SBNO2: variants seen among roughly 807,000 people sequenced by gnomAD.
SBNO2 encodes strawberry notch homolog 2, also known as protein strawberry notch homolog 2.
Under a neutral mutation model 146.3 loss-of-function variants are expected in SBNO2, and 89 were observed. The ratio of observed to expected loss-of-function variants is 0.61; its 90% CI spans 0.51 to 0.73. SBNO2 has a LOEUF of 0.73. SBNO2 is among the 30% of genes least tolerant of loss of function. SBNO2 has a pLI of 0.00. For missense variants in SBNO2, 2,092 were observed against 2,003.7 expected (o/e 1.04, Z -0.84); for synonymous variants, 1,147 against 892.6 (o/e 1.29, Z -5.08).
Position 1,154,322 on chromosome 19 carries a change from G to A in SBNO2, c.-46C>T. On this transcript the variant is annotated 5_prime_UTR_variant, in exon 2 of 32. Coordinates refer to ENST00000361757, the MANE Select transcript of SBNO2 (RefSeq NM_014963.3). ...GTCCTCGGCCGGGCAGCAGGCGGCG[G>A]GACTCCAGGACCCGGGGCCGCCGGG... is the stretch of plus-strand genomic sequence containing the variant. The A allele has an allele frequency of 1.8e-6, 2 of 1,116,164 alleles. No homozygotes were observed. Among genetic ancestry groups the A allele is most frequent in the Non-Finnish European group, 1.1e-6 (1 of 878,968 alleles). The allele number at this position is 1,116,164 out of a possible 1,614,324, so 69.1% of individuals were successfully genotyped here.
rs1414900197 is a variant in SBNO2, at chr19:1,144,143, G to A, written c.279+3166C>T. The stretch of plus-strand genomic sequence containing the variant: ...GCCTGGGCTGACTCATACCCGTCCC[G>A]TCCCACACTTGGCACCGCGGGACCA... On this transcript the variant is annotated intron_variant, in intron 4 of 31. Transcript: ENST00000361757. The surrounding 1 kb of genome is among the most constrained non-coding windows in gnomAD (Gnocchi z 4.1). Among the ~76,000 whole-genome samples, 5 of 150,042 alleles carry A rather than the reference G, an allele frequency of 3.3e-5. No individual in the cohort carries two copies. Among genetic ancestry groups the A allele is most frequent in the East Asian group, 2.0e-4 (1 of 5,084 alleles).
chr19:1,129,238 G>C (rs552743760), intron 4 of SBNO2, among the ~76,000 whole-genome samples: 78 of 152,278 alleles, frequency 5.1e-4, no homozygotes, highest in African/African-American at 1.6e-3. Context: ...TTGCACTCCA[G>C]TCTGGGTGAC....
chr19:1,112,244 T>G lies in SBNO2; in HGVS notation c.2573A>C (p.Glu858Ala). The part of the protein sequence containing the change: ...SAPEYVFLIS[E>A]LAGERRFASI... ...GGCGAACCGGCGCTCCCCGGCCAGC[T>G]CCGAGATGAGGAAGACATACTCTGG... Residue 858 changes from glutamate to alanine, a missense_variant, in exon 22 of 32, where the codon GAG (glutamate) becomes GCG (alanine). By Grantham distance (107) the Glu-to-Ala change is moderately radical. Transcript: ENST00000361757. The surrounding 1 kb of genome is among the most constrained non-coding windows in gnomAD (Gnocchi z 5.9). 2 of 1,592,592 alleles carry G rather than the reference T, an allele frequency of 1.3e-6. No homozygotes were observed. The highest frequency in any genetic ancestry group is 1.7e-6 in the Non-Finnish European group (2 of 1,170,126).
rs774444163 is a variant in SBNO2 at position 1,112,112 on chromosome 19, C to T, written c.2629-45G>A. ...CATCAGTTGGTCACCTGGGGTCTGGCCTCTAGCACCCCACAAAGCTTTGGA... is the reference window on the plus strand; with the variant it reads ...CATCAGTTGGTCACCTGGGGTCTGGTCTCTAGCACCCCACAAAGCTTTGGA... On this transcript the variant is annotated intron_variant, in intron 22 of 31. Coordinates refer to ENST00000361757, the MANE Select transcript of SBNO2 (RefSeq NM_014963.3). The surrounding 1 kb of genome is among the most constrained non-coding windows in gnomAD (Gnocchi z 5.9). 4 of 1,608,014 alleles carry T rather than the reference C, an allele frequency of 2.5e-6. No homozygotes were observed. In the East Asian group the frequency reaches 8.9e-5, roughly 36 times the overall value.
At chr19:1,165,677 T>A (rs142084719) in intron 1 of SBNO2, among the ~76,000 whole-genome samples, 42 of 24,888 alleles carry the variant, frequency 1.7e-3, no homozygotes, top group South Asian at 4.3e-3. Context: ...CAGACCCCAG[T>A]ACCCAGACCC....
In SBNO2 at chr19:1,126,552, G is replaced by A. The variant is rs568781776; in HGVS notation, c.441+1052C>T. Among the ~76,000 whole-genome samples, 7 of 151,792 alleles carry A rather than the reference G, an allele frequency of 4.6e-5. No homozygotes were observed. Among genetic ancestry groups the A allele is most frequent in the African/African-American group, 1.7e-4 (7 of 41,298 alleles). Reference sequence around the variant, plus strand: ...CACCATGGCTGCGGGGTGCCCTGATGCTTCCTGAGCCGCCCACCGTGAGCC... The same window carrying A: ...CACCATGGCTGCGGGGTGCCCTGATACTTCCTGAGCCGCCCACCGTGAGCC... On this transcript the variant is annotated intron_variant, in intron 5 of 31. Transcript: ENST00000361757. This position sits in a 1 kb window ranked among gnomAD's most constrained non-coding sequence, Gnocchi z 4.4.
intron 4 of SBNO2, among the ~76,000 whole-genome samples, chr19:1,146,790 C>T (rs1475927445): frequency 1.7e-4 from 6 of 34,422 alleles, no homozygotes; most frequent in African/African-American, 5.3e-4. Context: ...CGCCTGATGC[C>T]GAAGGGGGAG....
chr19:1,118,985 TC>T, intron 14 of SBNO2, 25 bp downstream of exon 14: 3 of 1,562,362 alleles, frequency 1.9e-6, no homozygotes, highest in Admixed American at 1.8e-5. Flanking sequence ...CGCACAGGGG[TC>T]CCCGGGTCGG....
At chr19:1,152,658 G>A (rs2080253630) in intron 2 of SBNO2, among the ~76,000 whole-genome samples, 1 of 152,200 alleles carries the variant, frequency 6.6e-6, no homozygotes, top group Non-Finnish European at 1.5e-5. Flanking sequence ...CCTGGCCCCA[G>A]CTCAGAGCCC....
intron 1 of SBNO2, among the ~76,000 whole-genome samples, chr19:1,166,394 A>G (rs2080425209): frequency 6.6e-6 from 1 of 152,218 alleles, no homozygotes; most frequent in Non-Finnish European, 1.5e-5. Context: ...CTGGCGGTTA[A>G]AGGCCTGTCC....
chr19:1,132,070 C>T, intron 4 of SBNO2: 1 of 1,515,838 alleles, frequency 6.6e-7, no homozygotes, highest in African/African-American at 1.4e-5. Flanking sequence ...GCCTCGCCCG[C>T]CCCGGGAAGG....
chr19:1,155,548 G>C (rs114469663), intron 1 of SBNO2, among the ~76,000 whole-genome samples: 1 of 152,206 alleles, frequency 6.6e-6, no homozygotes, highest in Non-Finnish European at 1.5e-5. Context: ...CCCTTTAGGG[G>C]AAGGGACAGG....
At chr19:1,128,613 G>A (rs181070043) in intron 4 of SBNO2, among the ~76,000 whole-genome samples, 2,682 of 151,288 alleles carry the variant, frequency 0.018, 32 homozygotes, top group Non-Finnish European at 0.028. Flanking sequence ...GGCTGGTCTC[G>A]AACTCCTGAC....
At chr19:1,160,838 A>T (rs1415974905) in intron 1 of SBNO2, among the ~76,000 whole-genome samples, 2 of 151,922 alleles carry the variant, frequency 1.3e-5, no homozygotes, top group African/African-American at 2.4e-5. Context: ...CCCGAATGGA[A>T]ATCATTTTCA....
chr19:1,132,981 G>A lies in SBNO2; in HGVS notation c.280-5216C>T, dbSNP rs75465583. The stretch of plus-strand genomic sequence containing the variant: ...TGGGGCAACCCCGGGCCGCGAGCCC[G>A]CCCGCGGCCACACTCTTGCCCGCAC... On this transcript the variant is annotated intron_variant, in intron 4 of 31. Transcript: ENST00000361757. Among the ~76,000 whole-genome samples the A allele has an allele frequency of 2.0e-3, 307 of 152,330 alleles. 2 individuals are homozygous for A. The highest frequency in any genetic ancestry group is 0.016 in the East Asian group (84 of 5,178).
At chr19:1,174,112 G>C (rs1398667853) in intron 1 of SBNO2, 60 bp downstream of exon 1, 2 of 151,404 alleles carry the variant, frequency 1.3e-5, no homozygotes, top group Non-Finnish European at 3.0e-5. Flanking sequence ...CCCACAAGCG[G>C]GGTCGGGCCA....
Position 1,109,251 on chromosome 19 carries a change from G to A in SBNO2, c.3349-40C>T, listed in dbSNP as rs1443222247. ...CCGCATGAGCCTGGGCGGGGTCAGGGCCGGCAACCCGAGCGAAAGCTGCGC... is the reference window on the plus strand; with the variant it reads ...CCGCATGAGCCTGGGCGGGGTCAGGACCGGCAACCCGAGCGAAAGCTGCGC... On this transcript the variant is annotated intron_variant, in intron 29 of 31. Transcript: ENST00000361757. This position sits in a 1 kb window ranked among gnomAD's most constrained non-coding sequence, Gnocchi z 4.2. 2.5e-6 allele frequency: 4 copies of A among 1,575,646 alleles called. No homozygotes were observed. The highest frequency in any genetic ancestry group is 2.6e-6 in the Non-Finnish European group (3 of 1,161,404).
chr19:1,149,528 C>T lies in SBNO2; in HGVS notation c.94-86G>A, dbSNP rs551271684. On this transcript the variant is annotated intron_variant, in intron 2 of 31. Coordinates refer to ENST00000361757, the MANE Select transcript of SBNO2 (RefSeq NM_014963.3). ...AAGCCCTCCGGGCAGGGTGACAGGCCGAGAGGCTAGGGAGGCCCCGCAGTC... is the reference window on the plus strand; with the variant it reads ...AAGCCCTCCGGGCAGGGTGACAGGCTGAGAGGCTAGGGAGGCCCCGCAGTC... 670 of 1,307,910 alleles carry T rather than the reference C, an allele frequency of 5.1e-4. 1 individual carries two copies. The highest frequency in any genetic ancestry group is 6.8e-4 in the Non-Finnish European group (633 of 930,630). 81.0% of individuals were successfully genotyped at this position (1,307,910 alleles called of 1,614,324 possible).
chr19:1,147,237 G>C, intron 4 of SBNO2, 72 bp downstream of exon 4: 1 of 1,036,972 alleles, frequency 9.6e-7, no homozygotes, highest in Non-Finnish European at 1.4e-6. Context: ...GAGAGAGGTC[G>C]CAGGGCAGCT....
Sources: allele counts gnomAD v4.1 joint callset (sites outside exome capture counted in the v4.1 genomes callset), GRCh38; gene constraint gnomAD v4.1.1; non-coding constraint Gnocchi (gnomAD v3.1); transcripts MANE v1.5; gene names NCBI Gene and HGNC (gene_info 2026-07-23, HGNC 2026-07-21).